The following NAA40 variants were observed in gnomAD, a reference collection of about 807,000 sequenced individuals.
NAA40 encodes the protein N-alpha-acetyltransferase 40.
A neutral mutation model predicts 36.6 loss-of-function variants in NAA40; 26 were observed. The ratio of observed to expected loss-of-function variants is 0.71; its 90% CI spans 0.52 to 0.98. NAA40 has a LOEUF of 0.98. Among genes scored for constraint, NAA40 ranks in the 50% least tolerant of loss-of-function variants. The probability of loss-of-function intolerance (pLI) is 0.00; values close to 1 mark genes in which losing one functional copy is unlikely to be tolerated. For synonymous variants in NAA40, 129 were observed against 108.4 expected, an observed-to-expected ratio of 1.19 and a Z score of -1.18; for missense variants, 237 against 306.5, an observed-to-expected ratio of 0.77 and a Z score of 1.69.
chr11:63,954,595 A>G lies in NAA40; in HGVS notation c.*116A>G, dbSNP rs1942334971. 2.4e-6 allele frequency: 3 copies of G among 1,241,562 alleles called. No homozygotes were observed. Among genetic ancestry groups the G allele is most frequent in the Admixed American group, 2.9e-5 (1 of 33,966 alleles). The allele number at this position is 1,241,562 out of a possible 1,614,324, so 76.9% of individuals were successfully genotyped here. A position where few individuals can be genotyped will look rare whatever the true frequency, so the allele number is the denominator to read the frequency against. On this transcript the variant is annotated 3_prime_UTR_variant, in exon 8 of 8. Transcript: ENST00000377793. ...TGGCCTCCCCAGCCCTGCACGTGCCAGGCTGCGCCCTGAGAGCACAGAACC... is the reference window on the plus strand; with the variant it reads ...TGGCCTCCCCAGCCCTGCACGTGCCGGGCTGCGCCCTGAGAGCACAGAACC...
chr11:63,952,565 G>A lies in NAA40; in HGVS notation c.410G>A (p.Cys137Tyr). The stretch of plus-strand genomic sequence containing the variant: ...GAGTGTGGGGATGAAGTCCTGTACT[G>A]GTAGGAGCCATGGCTTGGGGGAGGT... ...DVECGDEVLY[C>Y]YEVQLESKVR... Residue 137 changes from cysteine to tyrosine, a missense_variant and splice_region_variant, in exon 5 of 8, where the codon TGC becomes TAC. By Grantham distance (194) the Cys-to-Tyr change is radical (BLOSUM62 -2). Transcript: ENST00000377793. 6.2e-7 allele frequency: 1 copy of A among 1,613,612 alleles called. No individual in the cohort carries two copies. Among genetic ancestry groups the A allele is most frequent in the Non-Finnish European group, 8.5e-7 (1 of 1,179,544 alleles).
intron 1 of NAA40, 65 bp from the exon 2 acceptor site, chr11:63,945,775 A>C (rs962549075): frequency 1.4e-6 from 2 of 1,426,920 alleles, no homozygotes; most frequent in Non-Finnish European, 2.0e-6. Flanking sequence ...TCGATTCCTT[A>C]AAGGGAAAGT....
At chr11:63,950,920 C>A (rs543824557) in intron 3 of NAA40, among the ~76,000 whole-genome samples, 2 of 152,170 alleles carry the variant, frequency 1.3e-5, no homozygotes, top group African/African-American at 2.4e-5. Context: ...ATGGAGAATT[C>A]GTACCTGCAG....
At chr11:63,943,332 G>A (rs559464913) in intron 1 of NAA40, among the ~76,000 whole-genome samples, 1 of 152,300 alleles carries the variant, frequency 6.6e-6, no homozygotes, top group East Asian at 1.9e-4. Flanking sequence ...AGGGTGTATA[G>A]CGGCACTGTG....
At chr11:63,953,508 G>C (rs1942314647) in intron 6 of NAA40, among the ~76,000 whole-genome samples, 1 of 150,434 alleles carries the variant, frequency 6.6e-6, no homozygotes, top group Admixed American at 6.6e-5. Context: ...AGTGAGTGCT[G>C]TGTGGGGGTC....
intron 3 of NAA40, 107 bp downstream of exon 3, chr11:63,947,110 T>G: frequency 1.6e-6 from 2 of 1,262,490 alleles, no homozygotes; most frequent in Non-Finnish European, 2.3e-6. Context: ...GTTCTTCGTA[T>G]TTACGAAAAA....
intron 3 of NAA40, among the ~76,000 whole-genome samples, chr11:63,950,502 G>C (rs190784323): frequency 6.6e-6 from 1 of 151,496 alleles, no homozygotes; most frequent in Non-Finnish European, 1.5e-5. Context: ...ACAGAGTCTC[G>C]CCCAGGCTGG....
At chr11:63,946,590 G>A (rs937876848) in intron 2 of NAA40, 70 of 1,248,778 alleles carry the variant, frequency 5.6e-5, no homozygotes, top group Non-Finnish European at 7.0e-5. Context: ...TGGCTCAGGG[G>A]CTTGATTTTC....
intron 1 of NAA40, among the ~76,000 whole-genome samples, chr11:63,943,368 A>G (rs1291415370): frequency 6.6e-6 from 1 of 152,206 alleles, no homozygotes; most frequent in Admixed American, 6.5e-5. Flanking sequence ...CAAACCAGCC[A>G]GGCAATGAGA....
chr11:63,946,063 CTG>C, intron 2 of NAA40, 128 bp downstream of exon 2: 4 of 805,286 alleles, frequency 5.0e-6, no homozygotes, highest in South Asian at 1.6e-5. Flanking sequence ...TGCCTCCTTG[CTG>C]TGCAGGGAAC....
intron 3 of NAA40, 24 bp from the exon 4 acceptor site, chr11:63,952,214 G>T (rs367931844): frequency 8.7e-5 from 137 of 1,572,110 alleles, no homozygotes; most frequent in Non-Finnish European, 1.1e-4. Flanking sequence ...AACCAATTCC[G>T]TACACGTCCT....
At chr11:63,944,629 G>T (rs1219377946) in intron 1 of NAA40, among the ~76,000 whole-genome samples, 1 of 152,130 alleles carries the variant, frequency 6.6e-6, no homozygotes, top group Non-Finnish European at 1.5e-5. Flanking sequence ...CAGCCCTGGC[G>T]CAGTGGCTCA....
At chr11:63,946,503 C>A (rs1257514865) in intron 2 of NAA40, 2 of 1,134,954 alleles carry the variant, frequency 1.8e-6, no homozygotes. Flanking sequence ...CAGTGCCCAG[C>A]CCCTGCCTCC....
chr11:63,940,891 C>T (rs1438586227), intron 1 of NAA40, among the ~76,000 whole-genome samples: 1 of 152,192 alleles, frequency 6.6e-6, no homozygotes, highest in Non-Finnish European at 1.5e-5. Flanking sequence ...AGGTCCTAGA[C>T]ACAGCCATTG....
intron 3 of NAA40, among the ~76,000 whole-genome samples, chr11:63,950,638 A>G (rs1590757087): frequency 6.6e-6 from 1 of 150,902 alleles, no homozygotes; most frequent in Non-Finnish European, 1.5e-5. Flanking sequence ...AATTTTTTGT[A>G]TTTTTATTAA....
intron 2 of NAA40, 130 bp from the exon 3 acceptor site, chr11:63,946,821 T>C (rs1244200983): frequency 6.3e-7 from 1 of 1,577,486 alleles, no homozygotes. Flanking sequence ...GGGAGGCTGC[T>C]CCTGGTTCTG....
chr11:63,956,197 C>G lies in NAA40; in HGVS notation c.*1718C>G, dbSNP rs1487118793. On this transcript the variant is annotated 3_prime_UTR_variant, in exon 8 of 8. Transcript: ENST00000377793. The stretch of plus-strand genomic sequence containing the variant: ...GGAATAAGTCTGCCTCTGCCTCTGC[C>G]TCACCCTGCTGGCTCCTGGTGGGTT... 1 of 152,750 alleles carries G rather than the reference C, an allele frequency of 6.5e-6. No individual in the cohort carries two copies. The highest frequency in any genetic ancestry group is 6.5e-5 in the Admixed American group (1 of 15,284). 9.5% of individuals were successfully genotyped at this position (152,750 alleles called of 1,614,324 possible). A position where few individuals can be genotyped will look rare whatever the true frequency, so the allele number is the denominator to read the frequency against.
chr11:63,947,072 G>T (rs1942200099), intron 3 of NAA40, 69 bp downstream of exon 3: 3 of 1,466,936 alleles, frequency 2.0e-6, no homozygotes, highest in Non-Finnish European at 9.6e-7. Context: ...TTCCAGAGTA[G>T]GCTTCCTCAG....
In NAA40 at chr11:63,952,859, G is replaced by A; in HGVS notation, c.494+20G>A. On this transcript the variant is annotated intron_variant, in intron 6 of 7. Coordinates refer to ENST00000377793, the MANE Select transcript of NAA40 (RefSeq NM_024771.4). ...CAACAGGTAAGGCCTCCCTTCTTAG[G>A]AGGCCCATATAGCACTCAGTTGGAA... The A allele has an allele frequency of 1.9e-6, 3 of 1,609,010 alleles. No homozygotes were observed. Among genetic ancestry groups the A allele is most frequent in the Non-Finnish European group, 2.6e-6 (3 of 1,175,622 alleles).
Sources: gnomAD v4.1 joint callset for allele counts (sites outside exome capture counted in the v4.1 genomes callset) on GRCh38, gnomAD v4.1.1 for gene constraint, MANE v1.5 for transcripts, NCBI Gene and HGNC (gene_info 2026-07-23, HGNC 2026-07-21) for gene names.